Variants in CCDC171 observed in about 807,000 individuals in gnomAD.
CCDC171 encodes the protein coiled-coil domain containing 171.
CCDC171 carries 177 observed loss-of-function variants against 168.2 expected under a neutral mutation model. That is an observed-to-expected ratio of 1.05 (90% CI 0.93 to 1.19). The LOEUF (loss-of-function observed/expected upper bound fraction) is 1.19, where lower values mean the gene tolerates loss of function less well. Among genes scored for constraint, CCDC171 ranks in the 50% most tolerant of loss-of-function variants. The pLI is 0.00. For missense variants in CCDC171, 1,991 were observed against 1,539.0 expected, an observed-to-expected ratio of 1.29 and a Z score of -4.91; for synonymous variants, 687 against 540.8, an observed-to-expected ratio of 1.27 and a Z score of -3.75.
chr9:15,648,203 C>T (rs1208007990), intron 7 of CCDC171, among the ~76,000 whole-genome samples: 3 of 152,158 alleles, frequency 2.0e-5, no homozygotes, highest in Non-Finnish European at 2.9e-5. Flanking sequence ...AACAGCCCTT[C>T]ATGCTAAAAA....
the CCDC171 span, among the ~76,000 whole-genome samples, chr9:16,083,340 GA>G: frequency 1.3e-5 from 2 of 152,134 alleles, no homozygotes; most frequent in African/African-American, 2.4e-5. Context: ...GTCACTCAGT[GA>G]AAAAGTGGCC....
chr9:15,890,451 A>T (rs1445072149), intron 24 of CCDC171, among the ~76,000 whole-genome samples: 1 of 152,078 alleles, frequency 6.6e-6, no homozygotes, highest in Non-Finnish European at 1.5e-5. Flanking sequence ...AGTCTCATCC[A>T]CTAGGTAGCT....
chr9:15,676,335 G>A (rs557914254), intron 9 of CCDC171, among the ~76,000 whole-genome samples: 3 of 152,160 alleles, frequency 2.0e-5, no homozygotes, highest in East Asian at 1.9e-4. Context: ...CCTTTAGCTC[G>A]GAGAAGTTTG....
At chr9:15,818,852 A>C (rs1199631546) in intron 21 of CCDC171, among the ~76,000 whole-genome samples, 1 of 116,386 alleles carries the variant, frequency 8.6e-6, no homozygotes, top group Non-Finnish European at 1.9e-5. Flanking sequence ...ACGCCACAAA[A>C]ATACTCCTCG....
chr9:15,780,739 C>G (rs1285791579), intron 20 of CCDC171, among the ~76,000 whole-genome samples: 1 of 152,068 alleles, frequency 6.6e-6, no homozygotes, highest in African/African-American at 2.4e-5. Context: ...CATGTATGCA[C>G]TTAAAGTACT....
chr9:15,652,398 A>C (rs539235821), intron 7 of CCDC171, among the ~76,000 whole-genome samples: 1 of 151,656 alleles, frequency 6.6e-6, no homozygotes, highest in Non-Finnish European at 1.5e-5. Context: ...GATCTATATG[A>C]ATCTATATGT....
At chr9:15,975,130 A>G (rs755039762), downstream of CCDC171, among the ~76,000 whole-genome samples, 2 of 152,162 alleles carry the variant, frequency 1.3e-5, no homozygotes, top group Non-Finnish European at 2.9e-5. Context: ...ATATTTATCA[A>G]GCAACTGTTT....
intron 6 of CCDC171, among the ~76,000 whole-genome samples, chr9:15,602,133 C>G (rs1408082532): frequency 5.3e-5 from 8 of 152,134 alleles, no homozygotes; most frequent in Admixed American, 5.2e-4. Context: ...GTTTAGAACT[C>G]TGTTTCTCAA....
Position 15,634,171 on chromosome 9 carries a change from A to G in CCDC171, c.822+10758A>G, listed in dbSNP as rs144509846. ...GTACATGTACCCTAAAACTTAAAGTATAATAATAAAACAAAAGAAAGCAGA... is the reference window on the plus strand; with the variant it reads ...GTACATGTACCCTAAAACTTAAAGTGTAATAATAAAACAAAAGAAAGCAGA... On this transcript the variant is annotated intron_variant, in intron 7 of 25. Transcript: ENST00000380701. 4.8e-3 allele frequency among the ~76,000 whole-genome samples: 734 copies of G among 152,300 alleles called. 5 individuals carry two copies. Among genetic ancestry groups the G allele is most frequent in the Non-Finnish European group, 7.4e-3 (503 of 68,018 alleles).
At chr9:15,599,725 A>G (rs1469913734) in intron 6 of CCDC171, among the ~76,000 whole-genome samples, 2 of 152,092 alleles carry the variant, frequency 1.3e-5, no homozygotes, top group East Asian at 3.8e-4. Flanking sequence ...GTTCTCCTGG[A>G]TAATATCCTG....
At chr9:15,622,974 A>G (rs866766128) in intron 6 of CCDC171, among the ~76,000 whole-genome samples, 22 of 152,236 alleles carry the variant, frequency 1.4e-4, no homozygotes, top group African/African-American at 4.8e-4. Context: ...CTACTGCATT[A>G]TATAAATACC....
chr9:15,642,343 G>GTGTGTGTA (rs1369419679), intron 7 of CCDC171, among the ~76,000 whole-genome samples: 8 of 107,556 alleles, frequency 7.4e-5, no homozygotes, highest in African/African-American at 3.5e-4. Flanking sequence ...GTGTGTGTGT[G>GTGTGTGTA]TATATATATA....
the CCDC171 span, among the ~76,000 whole-genome samples, chr9:16,072,314 C>T: frequency 6.6e-6 from 1 of 152,126 alleles, no homozygotes; most frequent in Non-Finnish European, 1.5e-5. Flanking sequence ...CTCTCCTGAC[C>T]CTAACTTACC....
chr9:15,705,125 C>G (rs1410277290), intron 11 of CCDC171, among the ~76,000 whole-genome samples: 3 of 149,292 alleles, frequency 2.0e-5, no homozygotes, highest in Admixed American at 2.0e-4. Flanking sequence ...CACACACTCT[C>G]ACTCACTCAG....
chr9:15,702,449 A>G (rs923948335), intron 11 of CCDC171, among the ~76,000 whole-genome samples: 4 of 152,072 alleles, frequency 2.6e-5, no homozygotes, highest in Non-Finnish European at 5.9e-5. Flanking sequence ...TAAATGCTCT[A>G]TAAATGCATA....
chr9:15,900,580 T>A (rs1459044269), intron 24 of CCDC171, among the ~76,000 whole-genome samples: 1 of 152,176 alleles, frequency 6.6e-6, no homozygotes, highest in African/African-American at 2.4e-5. Flanking sequence ...ATAATAAATT[T>A]GTGTTGTTCT....
At chr9:16,090,514 A>G in the CCDC171 span, among the ~76,000 whole-genome samples, 2 of 152,194 alleles carry the variant, frequency 1.3e-5, no homozygotes, top group South Asian at 2.1e-4. Flanking sequence ...GTGTATACCC[A>G]TGTAACAAAC....
At chr9:15,702,180 A>G (rs1488069682) in intron 11 of CCDC171, among the ~76,000 whole-genome samples, 2 of 152,128 alleles carry the variant, frequency 1.3e-5, no homozygotes, top group Admixed American at 1.3e-4. Context: ...TGGGCTTAAA[A>G]TATTCAGTTA....
chr9:15,689,094 A>G (rs2050609223), intron 10 of CCDC171, among the ~76,000 whole-genome samples: 1 of 152,220 alleles, frequency 6.6e-6, no homozygotes, highest in African/African-American at 2.4e-5. Flanking sequence ...AATAAAATTA[A>G]GGAAACAATT....
Sources: allele counts gnomAD v4.1 joint callset (sites outside exome capture counted in the v4.1 genomes callset), GRCh38; gene constraint gnomAD v4.1.1; transcripts MANE v1.5; gene names NCBI Gene and HGNC (gene_info 2026-07-23, HGNC 2026-07-21).